The following FOXN1 variants were observed in gnomAD, a reference collection of about 807,000 sequenced individuals.
FOXN1 encodes the protein forkhead box N1.
In FOXN1, 15 loss-of-function variants were observed where a neutral mutation model predicts 49.0. That is an observed-to-expected ratio of 0.31 (90% confidence interval 0.20 to 0.47). The LOEUF is 0.47. FOXN1 is among the 20% of genes least tolerant of loss of function. The pLI is 1.00. For missense variants in FOXN1, 800 were observed against 842.8 expected (o/e 0.95, Z 0.63); for synonymous variants, 356 against 369.0 (o/e 0.96, Z 0.40).
rs893638257 is a variant in FOXN1, at chr17:28,534,200, GACA to G, written c.928-126_928-124del. On this transcript the variant is annotated intron_variant, in intron 6 of 8. Coordinates refer to ENST00000579795, the MANE Select transcript of FOXN1 (RefSeq NM_001369369.1). This position sits in a 1 kb window ranked among gnomAD's most constrained non-coding sequence, Gnocchi z 4.1. ...CAAGCAAGGGATGGGTGCTGAGGAG[GACA>G]ACAAGCCCCAGAGTGGGCGGCAGCT... 9.6e-5 allele frequency: 129 copies of G among 1,343,246 alleles called. No homozygotes were observed. Among genetic ancestry groups the G allele is most frequent in the Non-Finnish European group, 1.2e-4 (110 of 956,250 alleles). 83.2% of individuals were successfully genotyped at this position (1,343,246 alleles called of 1,614,324 possible).
chr17:28,534,442 G>A lies in FOXN1; in HGVS notation c.1039G>A (p.Ala347Thr), dbSNP rs376778792. 1.2e-5 allele frequency: 20 copies of A among 1,614,178 alleles called. No homozygotes were observed. The highest frequency in any genetic ancestry group is 4.5e-5 in the East Asian group (2 of 44,886). ...GSSSRKGCLW[A>T]LNPAKIDKMQ... ...TTCCTCCCGCAAGGGCTGCCTGTGG[G>A]CCCTCAATCCGGCCAAGATCGACAA... Residue 347 changes from alanine (A) to threonine (T), a missense_variant, in exon 7 of 9, where the codon GCC (alanine) becomes ACC (threonine). Ala to Thr is a moderately conservative substitution (Grantham distance 58, BLOSUM62 0). Transcript: ENST00000579795. The surrounding 1 kb of genome is among the most constrained non-coding windows in gnomAD (Gnocchi z 4.1).
intron 1 of FOXN1, among the ~76,000 whole-genome samples, chr17:28,512,532 A>G (rs2069414580): frequency 6.6e-6 from 1 of 152,348 alleles, no homozygotes; most frequent in Non-Finnish European, 1.5e-5. Flanking sequence ...TTAGTCTCAT[A>G]TACTCCAGAG....
At chr17:28,510,609 C>G (rs2069375568) in intron 1 of FOXN1, among the ~76,000 whole-genome samples, 1 of 143,008 alleles carries the variant, frequency 7.0e-6, no homozygotes, top group Admixed American at 6.8e-5. Flanking sequence ...CACACACACA[C>G]ACACATCGCT....
At chr17:28,513,625 G>C (rs1386857268) in intron 1 of FOXN1, among the ~76,000 whole-genome samples, 4 of 152,242 alleles carry the variant, frequency 2.6e-5, no homozygotes, top group African/African-American at 9.6e-5. Context: ...CATGTGACCT[G>C]CCTGCCTGGC....
intron 6 of FOXN1, among the ~76,000 whole-genome samples, chr17:28,533,480 C>G (rs1041627037): frequency 2.3e-5 from 3 of 129,778 alleles, no homozygotes; most frequent in African/African-American, 1.1e-4. Context: ...TCTATTGGCA[C>G]GAGCACCCCC....
At chr17:28,511,204 C>T (rs1293685085) in intron 1 of FOXN1, among the ~76,000 whole-genome samples, 1 of 152,208 alleles carries the variant, frequency 6.6e-6, no homozygotes, top group East Asian at 1.9e-4. Context: ...TGCCCATCCC[C>T]TGTGCAAGAT....
intron 1 of FOXN1, among the ~76,000 whole-genome samples, chr17:28,517,326 C>T (rs2069537246): frequency 6.7e-6 from 1 of 149,414 alleles, no homozygotes; most frequent in Non-Finnish European, 1.5e-5. Context: ...CACACCTCCA[C>T]AGGGACACAC....
chr17:28,515,030 G>T (rs555575326), intron 1 of FOXN1, among the ~76,000 whole-genome samples: 1 of 152,258 alleles, frequency 6.6e-6, no homozygotes, highest in Non-Finnish European at 1.5e-5. Context: ...ACTTGGGCAA[G>T]TCAGGTTAAC....
Position 28,537,379 on chromosome 17 carries a change from C to G in FOXN1, c.1890C>G (p.Ala630=). The G allele has an allele frequency of 6.2e-7, 1 of 1,612,972 alleles. No individual in the cohort carries two copies. ...FMELEPTPPT[A]PAGPSVYLSP... ...AGCTGGAGCCCACGCCCCCCACGGC[C>G]CCTGCAGGCCCCTCTGTGTACCTCA... Residue 630 remains alanine, a synonymous_variant, in exon 9 of 9, where the codon GCC becomes GCG. Coordinates refer to ENST00000579795, the MANE Select transcript of FOXN1 (RefSeq NM_001369369.1).
intron 1 of FOXN1, among the ~76,000 whole-genome samples, chr17:28,517,141 A>T (rs1597539101): frequency 7.7e-6 from 1 of 129,830 alleles, no homozygotes; most frequent in East Asian, 2.2e-4. Flanking sequence ...ACATCTCCAC[A>T]GGGTACACAC....
At chr17:28,525,481 T>C (rs1021037908) in intron 3 of FOXN1, among the ~76,000 whole-genome samples, 9 of 152,140 alleles carry the variant, frequency 5.9e-5, no homozygotes. Context: ...CTTGGAAGGT[T>C]AACATGTCCT....
chr17:28,519,929 G>A (rs755357494), intron 1 of FOXN1, among the ~76,000 whole-genome samples: 4 of 151,938 alleles, frequency 2.6e-5, no homozygotes, highest in Non-Finnish European at 2.9e-5. Context: ...TGATGCTCCC[G>A]ATCCCCCCAC....
intron 3 of FOXN1, 104 bp from the exon 4 acceptor site, chr17:28,527,147 G>A (rs2069789044): frequency 1.3e-6 from 1 of 763,468 alleles, no homozygotes; most frequent in African/African-American, 1.7e-5. Context: ...AATAAGCTTT[G>A]GGGGAAGCAG....
chr17:28,536,050 T>G (rs962575539), intron 8 of FOXN1, among the ~76,000 whole-genome samples: 4 of 152,142 alleles, frequency 2.6e-5, no homozygotes, highest in African/African-American at 9.7e-5. Flanking sequence ...TAAATTCCAG[T>G]GCATCCCAGG....
chr17:28,510,050 T>C (rs1476543314), intron 1 of FOXN1, among the ~76,000 whole-genome samples: 2 of 152,102 alleles, frequency 1.3e-5, no homozygotes, highest in African/African-American at 4.8e-5. Flanking sequence ...ACCTGTGCTC[T>C]CACAGCTACT....
chr17:28,524,200 T>G, intron 2 of FOXN1, 108 bp downstream of exon 2: 1 of 1,175,440 alleles, frequency 8.5e-7, no homozygotes, highest in Non-Finnish European at 1.2e-6. Context: ...GGGCCTGTCT[T>G]GTCCCCTCCA....
At chr17:28,531,953 G>A (rs536523242) in intron 6 of FOXN1, among the ~76,000 whole-genome samples, 1 of 152,306 alleles carries the variant, frequency 6.6e-6, no homozygotes, top group East Asian at 1.9e-4. Flanking sequence ...GGTTCTGGAA[G>A]GGAAAGAGGG....
chr17:28,528,469 T>C (rs900055427), intron 4 of FOXN1, among the ~76,000 whole-genome samples: 17 of 112 alleles, frequency 0.15, no homozygotes, highest in Non-Finnish European at 0.23. Context: ...TTATGGAGCC[T>C]GGACCGAGGT....
intron 3 of FOXN1, among the ~76,000 whole-genome samples, chr17:28,525,284 A>G (rs186994261): frequency 6.6e-6 from 1 of 152,308 alleles, no homozygotes; most frequent in Non-Finnish European, 1.5e-5. Context: ...ACACACCCAT[A>G]TGCAAATGTG....
Sources: gnomAD v4.1 joint callset for allele counts (sites outside exome capture counted in the v4.1 genomes callset) on GRCh38, gnomAD v4.1.1 for gene constraint, Gnocchi (gnomAD v3.1) non-coding constraint, MANE v1.5 for transcripts, NCBI Gene and HGNC (gene_info 2026-07-23, HGNC 2026-07-21) for gene names.